Variants in DDX46 observed in about 807,000 individuals in gnomAD.
The protein encoded by DDX46 is DEAD-box helicase 46.
In DDX46, 30 loss-of-function variants were observed where a neutral mutation model predicts 134.9. The ratio of observed to expected loss-of-function variants is 0.22; its 90% CI spans 0.17 to 0.30. DDX46 has a LOEUF of 0.30. Among genes scored for constraint, DDX46 ranks in the 10% least tolerant of loss-of-function variants. DDX46 has a pLI of 1.00. For missense variants in DDX46, 622 were observed against 1,248.7 expected, an observed-to-expected ratio of 0.50 and a Z score of 7.56; for synonymous variants, 415 against 404.1, an observed-to-expected ratio of 1.03 and a Z score of -0.32.
intron 12 of DDX46, among the ~76,000 whole-genome samples, chr5:134,789,431 A>G (rs1580795592): frequency 6.6e-6 from 1 of 152,214 alleles, no homozygotes; most frequent in South Asian, 2.1e-4. Flanking sequence ...ATAATAGAGT[A>G]TTAAAAACTG....
intron 15 of DDX46, among the ~76,000 whole-genome samples, chr5:134,806,886 C>G (rs1433296913): frequency 1.3e-5 from 2 of 152,102 alleles, no homozygotes; most frequent in African/African-American, 2.4e-5. Context: ...CTCTGCTTTG[C>G]CATTCATACT....
intron 2 of DDX46, among the ~76,000 whole-genome samples, chr5:134,766,200 A>G (rs1399915583): frequency 1.3e-5 from 2 of 152,188 alleles, no homozygotes; most frequent in African/African-American, 2.4e-5. Context: ...ATCTTAGACC[A>G]TCGATTTTCA....
chr5:134,819,724 A>G (rs894568415), intron 21 of DDX46, among the ~76,000 whole-genome samples: 2 of 151,560 alleles, frequency 1.3e-5, no homozygotes, highest in African/African-American at 2.4e-5. Flanking sequence ...TGTAGAGACA[A>G]GGTTGTGTTT....
chr5:134,820,864 C>CTTT (rs1180909732), intron 21 of DDX46, among the ~76,000 whole-genome samples: 1,429 of 123,202 alleles, frequency 0.012, 38 homozygotes, highest in African/African-American at 0.042. Flanking sequence ...CTTTTCTTTT[C>CTTT]TTTTTTTTTT....
chr5:134,808,312 T>A lies in DDX46; in HGVS notation c.2148+371T>A, dbSNP rs74763593. 2.5e-3 allele frequency among the ~76,000 whole-genome samples: 388 copies of A among 152,326 alleles called. 2 individuals carry two copies. Among genetic ancestry groups the A allele is most frequent in the African/African-American group, 9.0e-3 (375 of 41,570 alleles). On this transcript the variant is annotated intron_variant, in intron 16 of 22. Transcript: ENST00000452510. ...ATACCTGACGTACTAAACATCATAGTAGCCTAGCCTACCTTTAGCATGCTC... is the reference window on the plus strand; with the variant it reads ...ATACCTGACGTACTAAACATCATAGAAGCCTAGCCTACCTTTAGCATGCTC...
chr5:134,816,538 T>C lies in DDX46; in HGVS notation c.2545T>C (p.Leu849=), dbSNP rs780033221. 1 of 1,614,012 alleles carries C rather than the reference T, an allele frequency of 6.2e-7. No homozygotes were observed. Among genetic ancestry groups the C allele is most frequent in the South Asian group, 1.1e-5 (1 of 91,060 alleles). Reference sequence around the variant, plus strand: ...TCCAACTGCAGGAAATGCTGAGAAATTAGAAATTGCTAAGAGATTGGCTCT... The same window carrying C: ...TCCAACTGCAGGAAATGCTGAGAAACTAGAAATTGCTAAGAGATTGGCTCT... The part of the protein sequence containing the change: ...PAPTAGNAEK[L]EIAKRLALRI... The change falls in exon 19 of 23, where the codon TTA becomes CTA. Residue 849 remains leucine (L), a synonymous_variant. Transcript: ENST00000452510.
At chr5:134,788,809 A>G (rs978221519) in intron 12 of DDX46, among the ~76,000 whole-genome samples, 2 of 151,970 alleles carry the variant, frequency 1.3e-5, no homozygotes, top group Non-Finnish European at 2.9e-5. Flanking sequence ...AGATCGCACC[A>G]CTGTACTCCA....
chr5:134,792,470 G>T (rs1314112788), intron 13 of DDX46, among the ~76,000 whole-genome samples: 1 of 152,056 alleles, frequency 6.6e-6, no homozygotes, highest in South Asian at 2.1e-4. Context: ...AGAGTCAAGG[G>T]GTCTGTTTGT....
At chr5:134,770,545 C>T (rs1473730166) in intron 3 of DDX46, among the ~76,000 whole-genome samples, 1 of 152,168 alleles carries the variant, frequency 6.6e-6, no homozygotes. Context: ...GGCGAGGTGG[C>T]TCATGCCTAT....
intron 2 of DDX46, among the ~76,000 whole-genome samples, chr5:134,764,907 CTCTTTCTCTTTCTT>C (rs955891048): frequency 1.3e-5 from 2 of 151,508 alleles, no homozygotes; most frequent in African/African-American, 4.9e-5. Flanking sequence ...CACTCTTTCT[CTCTTTCTCTTTCTT>C]TCTTCATTTT....
chr5:134,795,556 G>C (rs1754631819), intron 14 of DDX46, among the ~76,000 whole-genome samples: 1 of 152,112 alleles, frequency 6.6e-6, no homozygotes, highest in African/African-American at 2.4e-5. Flanking sequence ...GGTGAATGGT[G>C]AGCTGATATA....
intron 15 of DDX46, among the ~76,000 whole-genome samples, chr5:134,805,929 A>G (rs929659232): frequency 1.1e-4 from 16 of 152,134 alleles, no homozygotes; most frequent in African/African-American, 3.9e-4. Context: ...ATATAAAGAC[A>G]TCCTAAAGGC....
At position 134,830,499 on chromosome 5, in the gene DDX46, G is replaced by T. The variant is rs1448173540; in HGVS notation, c.*1793G>T. Reference sequence around the variant, plus strand: ...ATTCTTTAAATATTATTGACTTACAGTTTAAAAATAAATAAATAAAAGCAT... The same window carrying T: ...ATTCTTTAAATATTATTGACTTACATTTTAAAAATAAATAAATAAAAGCAT... On this transcript the variant is annotated 3_prime_UTR_variant, in exon 23 of 23. Transcript: ENST00000452510. 1 of 152,044 alleles carries T rather than the reference G, an allele frequency of 6.6e-6. No homozygotes were observed. Among genetic ancestry groups the T allele is most frequent in the Non-Finnish European group, 1.5e-5 (1 of 67,994 alleles). The allele number at this position is 152,044 out of a possible 1,614,324, so 9.4% of individuals were successfully genotyped here. A position where few individuals can be genotyped will look rare whatever the true frequency, so the allele number is the denominator to read the frequency against.
intron 4 of DDX46, among the ~76,000 whole-genome samples, chr5:134,772,893 CTGAGTCGA>C (rs1753818452): frequency 6.6e-6 from 1 of 152,146 alleles, no homozygotes; most frequent in Non-Finnish European, 1.5e-5. Flanking sequence ...CCTCTGCCTC[CTGAGTCGA>C]AGCAATTCTC....
chr5:134,792,406 G>A (rs529742557), intron 13 of DDX46, among the ~76,000 whole-genome samples: 9 of 152,220 alleles, frequency 5.9e-5, no homozygotes, highest in East Asian at 5.8e-4. Flanking sequence ...ACATTGCTTC[G>A]TGAGGGAGCG....
At chr5:134,822,021 C>T (rs1755469882) in intron 21 of DDX46, among the ~76,000 whole-genome samples, 1 of 151,344 alleles carries the variant, frequency 6.6e-6, no homozygotes, top group South Asian at 2.1e-4. Flanking sequence ...TCCCTAGTAG[C>T]TGGGATTACA....
chr5:134,788,999 G>A (rs1339188973), intron 12 of DDX46, among the ~76,000 whole-genome samples: 5 of 152,092 alleles, frequency 3.3e-5, no homozygotes, highest in African/African-American at 1.2e-4. Flanking sequence ...GTAAAAGAGT[G>A]GGGTAGTAGC....
chr5:134,774,897 C>T (rs955516098), intron 5 of DDX46, among the ~76,000 whole-genome samples: 3 of 151,848 alleles, frequency 2.0e-5, no homozygotes, highest in Non-Finnish European at 4.4e-5. Context: ...GTCACCCAGG[C>T]GGCACTGCAG....
intron 3 of DDX46, 62 bp downstream of exon 3, chr5:134,767,122 C>CT (rs74273274): frequency 0.028 from 31,845 of 1,143,886 alleles, no homozygotes; most frequent in South Asian, 0.04. Flanking sequence ...TTCTCTGCGC[C>CT]TTTTTTTTTT....
Sources: allele counts gnomAD v4.1 joint callset (sites outside exome capture counted in the v4.1 genomes callset), GRCh38; gene constraint gnomAD v4.1.1; transcripts MANE v1.5; gene names NCBI Gene and HGNC (gene_info 2026-07-23, HGNC 2026-07-21).